The following HEPHL1 variants were observed in gnomAD, a reference collection of about 807,000 sequenced individuals.
HEPHL1 encodes the protein hephaestin like 1, also known as ferroxidase HEPHL1.
In HEPHL1, 123 loss-of-function variants were observed where a neutral mutation model predicts 122.0. The observed-to-expected ratio is 1.01, with a 90% CI of 0.87 to 1.17. HEPHL1 has a LOEUF of 1.17. Ranked by LOEUF, HEPHL1 falls within the 50% of genes most tolerant of loss-of-function variation. HEPHL1 has a pLI of 0.00. For synonymous variants in HEPHL1, 527 were observed against 508.9 expected (o/e 1.04, Z -0.48); for missense variants, 1,452 against 1,430.5 (o/e 1.01, Z -0.24).
chr11:94,033,317 A>C (rs1262386261), intron 1 of HEPHL1, among the ~76,000 whole-genome samples: 12 of 152,180 alleles, frequency 7.9e-5, no homozygotes. Context: ...ACAAGGTCAT[A>C]TGTTGAATTT....
intron 12 of HEPHL1, among the ~76,000 whole-genome samples, chr11:94,092,657 T>G (rs911678955): frequency 6.6e-6 from 1 of 152,124 alleles, no homozygotes; most frequent in Non-Finnish European, 1.5e-5. Context: ...CTTATACATG[T>G]GAGAGGGGCT....
At chr11:94,106,470 A>AT (rs1380500257) in intron 17 of HEPHL1, among the ~76,000 whole-genome samples, 1 of 150,846 alleles carries the variant, frequency 6.6e-6, no homozygotes, top group Non-Finnish European at 1.5e-5. Context: ...TTTTTTTTGT[A>AT]TTTTTTAGTA....
intron 12 of HEPHL1, among the ~76,000 whole-genome samples, chr11:94,091,731 G>C (rs144796839): frequency 1.3e-5 from 2 of 152,270 alleles, no homozygotes; most frequent in Non-Finnish European, 2.9e-5. Flanking sequence ...GTTGGTAGTC[G>C]GCGGGGGCTT....
chr11:94,060,756 C>T (rs1474046618), intron 2 of HEPHL1, among the ~76,000 whole-genome samples: 1 of 152,204 alleles, frequency 6.6e-6, no homozygotes, highest in Non-Finnish European at 1.5e-5. Flanking sequence ...CATGCTGGAC[C>T]TTCTAATCTA....
intron 13 of HEPHL1, among the ~76,000 whole-genome samples, chr11:94,095,201 G>A (rs555868141): frequency 1.3e-5 from 2 of 152,262 alleles, no homozygotes; most frequent in South Asian, 4.1e-4. Context: ...TCCAGTTTCA[G>A]CTTTCTACAT....
intron 9 of HEPHL1, among the ~76,000 whole-genome samples, chr11:94,080,771 T>G (rs184239499): frequency 2.0e-5 from 3 of 152,296 alleles, no homozygotes; most frequent in African/African-American, 7.2e-5. Flanking sequence ...GAATGGCAAT[T>G]ATTAAAAAGT....
Position 94,093,930 on chromosome 11 carries a change from C to A in HEPHL1, c.2434+290C>A, listed in dbSNP as rs1258291339. On this transcript the variant is annotated intron_variant, in intron 13 of 19. Transcript: ENST00000315765. Reference sequence around the variant, plus strand: ...GATACCCTAAAGCTTCTTTCCAACCCCTATACTGAGCCAGGAAATTTTCTT... The same window carrying A: ...GATACCCTAAAGCTTCTTTCCAACCACTATACTGAGCCAGGAAATTTTCTT... Among the ~76,000 whole-genome samples the A allele has an allele frequency of 2.9e-5, 4 of 138,594 alleles. No individual in the cohort carries two copies. The Admixed American group carries it at 3.0e-4, about 10-fold the overall frequency. 90.9% of individuals were successfully genotyped at this position (138,594 alleles called of 152,430 possible). A position where few individuals can be genotyped will look rare whatever the true frequency, so the allele number is the denominator to read the frequency against.
Position 94,075,320 on chromosome 11 carries a change from A to T in HEPHL1, c.1651A>T (p.Ser551Cys). Residue 551 changes from serine (S) to cysteine (C), a missense_variant, in exon 9 of 20, where the codon AGC (serine) becomes TGC (cysteine). Ser to Cys is a moderately radical substitution (Grantham distance 112). Coordinates refer to ENST00000315765, the MANE Select transcript of HEPHL1 (RefSeq NM_001098672.2). ...FSAVDPIKDT[S>C]SGLVGPLLVC... ...AGCAGTTGATCCAATTAAGGACACC[A>T]GCTCTGGCCTGGTAGGGCCTTTGCT... 1 of 1,613,542 alleles carries T rather than the reference A, an allele frequency of 6.2e-7. No homozygotes were observed. Among genetic ancestry groups the T allele is most frequent in the Non-Finnish European group, 8.5e-7 (1 of 1,179,642 alleles).
At position 94,073,353 on chromosome 11, in the gene HEPHL1, T is replaced by G; in HGVS notation, c.1418T>G (p.Phe473Cys). Reference protein sequence around the residue: ...AEVGDTLLVTFANKADKVYSI... With the variant: ...AEVGDTLLVTCANKADKVYSI... ...GTGGGTGATACCCTGTTAGTGACCT[T>G]TGCCAACAAAGCCGACAAGGTCTAT... is the stretch of plus-strand genomic sequence containing the variant. Residue 473 changes from phenylalanine to cysteine, a missense_variant, in exon 8 of 20, where the codon TTT becomes TGT. Transcript: ENST00000315765. 6.2e-7 allele frequency: 1 copy of G among 1,603,484 alleles called. No homozygotes were observed. Among genetic ancestry groups the G allele is most frequent in the Non-Finnish European group, 8.5e-7 (1 of 1,174,626 alleles).
At position 94,055,290 on chromosome 11, in the gene HEPHL1, C is replaced by T. The variant is rs1945927519; in HGVS notation, c.416-8218C>T. 21 of 287,800 alleles carry T rather than the reference C, an allele frequency of 7.3e-5. No individual in the cohort carries two copies. In the South Asian group the frequency reaches 7.7e-4, roughly 11 times the overall value. The allele number at this position is 287,800 out of a possible 1,614,324, so 17.8% of individuals were successfully genotyped here. On this transcript the variant is annotated intron_variant, in intron 2 of 19. Transcript: ENST00000315765. ...TTCCTGTTGAGCCACCTGTTTCACT[C>T]CCACCACTTCTGTGAACTCCTTCCC...
rs772837071 is a variant in HEPHL1, at chr11:94,082,529, AAAG to A, written c.1833_1835del (p.Glu611del). 33 of 1,612,962 alleles carry A rather than the reference AAAG, an allele frequency of 2.0e-5. 2 individuals carry two copies. The highest frequency in any genetic ancestry group is 3.3e-4 in the Middle Eastern group (2 of 6,080). On this transcript the variant is annotated inframe_deletion, in exon 10 of 20. Transcript: ENST00000315765. ...TATCTGGCATCCCTTCAGCATTGAC[AAAG>A]AAGATAAAGAGTTTGTGAAATCCAA...
intron 1 of HEPHL1, among the ~76,000 whole-genome samples, chr11:94,028,196 G>T (rs1210669826): frequency 6.6e-6 from 1 of 152,150 alleles, no homozygotes; most frequent in East Asian, 1.9e-4. Flanking sequence ...ACTGTCAAAT[G>T]CATGTTTTGC....
At chr11:94,073,276 T>C in intron 7 of HEPHL1, 32 bp from the exon 8 acceptor site, 1 of 1,607,970 alleles carries the variant, frequency 6.2e-7, no homozygotes, top group Admixed American at 1.7e-5. Context: ...CTTTTCATTC[T>C]CTTCTCTCTC....
At chr11:94,073,944 C>T (rs931528707) in intron 8 of HEPHL1, among the ~76,000 whole-genome samples, 2 of 152,252 alleles carry the variant, frequency 1.3e-5, no homozygotes, top group Admixed American at 6.5e-5. Context: ...TATGGCCTCT[C>T]CCCATCACAG....
chr11:94,035,413 G>A (rs1945711970), intron 1 of HEPHL1, among the ~76,000 whole-genome samples: 2 of 152,226 alleles, frequency 1.3e-5, no homozygotes, highest in Admixed American at 1.3e-4. Flanking sequence ...CTTGTTGGAA[G>A]TCAGCAGAAT....
intron 1 of HEPHL1, among the ~76,000 whole-genome samples, chr11:94,045,050 C>A (rs557674251): frequency 6.6e-5 from 10 of 152,104 alleles, no homozygotes; most frequent in Admixed American, 3.9e-4. Context: ...GGACTACAGG[C>A]GGCCCACCAC....
At chr11:94,097,431 T>C (rs1008380519) in intron 13 of HEPHL1, among the ~76,000 whole-genome samples, 6 of 152,220 alleles carry the variant, frequency 3.9e-5, no homozygotes, top group Non-Finnish European at 8.8e-5. Context: ...AGTGCTTTAC[T>C]TCCAACTATG....
intron 2 of HEPHL1, among the ~76,000 whole-genome samples, chr11:94,054,852 A>G (rs1053834118): frequency 2.0e-5 from 3 of 152,258 alleles, no homozygotes; most frequent in African/African-American, 7.2e-5. Flanking sequence ...GAAGAAAGAA[A>G]GAGCTTCATT....
intron 13 of HEPHL1, among the ~76,000 whole-genome samples, chr11:94,099,559 C>T (rs1225751201): frequency 1.3e-5 from 2 of 152,200 alleles, no homozygotes; most frequent in African/African-American, 2.4e-5. Flanking sequence ...GGGACATTTA[C>T]GTCTGCAGAG....
Sources: gnomAD v4.1 joint callset for allele counts (sites outside exome capture counted in the v4.1 genomes callset) on GRCh38, gnomAD v4.1.1 for gene constraint, MANE v1.5 for transcripts, NCBI Gene and HGNC (gene_info 2026-07-23, HGNC 2026-07-21) for gene names.